Variants in ATXN1 observed in about 807,000 individuals in gnomAD.
The protein encoded by ATXN1 is ataxin-1.
In ATXN1, 8 loss-of-function variants were observed where a neutral mutation model predicts 56.4. That is an observed-to-expected ratio of 0.14 (90% CI 0.08 to 0.26). The LOEUF (loss-of-function observed/expected upper bound fraction) is 0.26, where lower values mean the gene tolerates loss of function less well. Ranked by LOEUF, ATXN1 falls within the 10% of genes least tolerant of loss-of-function variation. The pLI, the probability that ATXN1 is intolerant of heterozygous loss-of-function variation, is 1.00. For synonymous variants in ATXN1, 514 were observed against 494.6 expected, an observed-to-expected ratio of 1.04 and a Z score of -0.52; for missense variants, 987 against 1,106.5, an observed-to-expected ratio of 0.89 and a Z score of 1.53.
intron 2 of ATXN1, chr6:16,752,885 A>G: frequency 5.0e-6 from 1 of 198,074 alleles, no homozygotes; most frequent in Non-Finnish European, 1.1e-5. Flanking sequence ...CTAAAATGCA[A>G]AAACTGTGAC....
At chr6:16,342,661 C>T (rs184338637) in intron 6 of ATXN1, among the ~76,000 whole-genome samples, 95 of 152,306 alleles carry the variant, frequency 6.2e-4, no homozygotes, top group African/African-American at 1.9e-3. Flanking sequence ...GTGGTATATC[C>T]TTATGACGAG....
At chr6:16,409,388 C>A (rs1228823137) in intron 6 of ATXN1, among the ~76,000 whole-genome samples, 1 of 152,096 alleles carries the variant, frequency 6.6e-6, no homozygotes, top group Non-Finnish European at 1.5e-5. Context: ...CACCGTGGCT[C>A]ATGCCTCTAA....
rs543261959 is a variant in ATXN1 at position 16,536,454 on chromosome 6, T to C, written c.-360-13766A>G. 3.9e-5 allele frequency among the ~76,000 whole-genome samples: 6 copies of C among 152,298 alleles called. No homozygotes were observed. The South Asian group carries it at 1.0e-3, about 26-fold the overall frequency. ...AAGTTTATGGGTGTTCACTGTACAA[T>C]TCTTACAATTTACTTGTATGTTTGC... is the stretch of plus-strand genomic sequence containing the variant. On this transcript the variant is annotated intron_variant, in intron 4 of 7. Transcript: ENST00000436367.
At chr6:16,342,537 A>G (rs1036863975) in intron 6 of ATXN1, among the ~76,000 whole-genome samples, 1 of 152,164 alleles carries the variant, frequency 6.6e-6, no homozygotes, top group African/African-American at 2.4e-5. Flanking sequence ...ACCACAAAGC[A>G]CTGAAAGCAG....
At chr6:16,627,253 G>C (rs573950818) in intron 3 of ATXN1, among the ~76,000 whole-genome samples, 102 of 152,202 alleles carry the variant, frequency 6.7e-4, no homozygotes, top group Non-Finnish European at 3.5e-4. Context: ...CTGAGTTTCA[G>C]GTGACCTAGA....
chr6:16,697,797 T>C (rs9350014), intron 2 of ATXN1, among the ~76,000 whole-genome samples: 1,655 of 152,306 alleles, frequency 0.011, 13 homozygotes, highest in East Asian at 0.021. Context: ...CAGCGTTACA[T>C]AAGTCTCTTC....
intron 5 of ATXN1, among the ~76,000 whole-genome samples, chr6:16,512,109 CCG>C (rs1323270387): frequency 6.6e-6 from 1 of 152,192 alleles, no homozygotes; most frequent in African/African-American, 2.4e-5. Context: ...AAAGGCCTCC[CCG>C]CCTCCATTCA....
At chr6:16,409,256 T>C (rs1246550647) in intron 6 of ATXN1, among the ~76,000 whole-genome samples, 1 of 151,616 alleles carries the variant, frequency 6.6e-6, no homozygotes. Flanking sequence ...GCTGCTCTGT[T>C]CCACACAATT....
At chr6:16,547,801 A>G (rs1375574787) in intron 4 of ATXN1, among the ~76,000 whole-genome samples, 1 of 152,168 alleles carries the variant, frequency 6.6e-6, no homozygotes, top group Non-Finnish European at 1.5e-5. Flanking sequence ...GAGATGAGTC[A>G]TATCAGATTA....
In ATXN1 at chr6:16,450,001, C is replaced by T. The variant is rs183054111; in HGVS notation, c.-161+35971G>A. 3.0e-3 allele frequency among the ~76,000 whole-genome samples: 456 copies of T among 152,340 alleles called. 2 individuals carry two copies. The highest frequency in any genetic ancestry group is 9.8e-3 in the African/African-American group (408 of 41,568). On this transcript the variant is annotated intron_variant, in intron 6 of 7. Coordinates refer to ENST00000436367, the MANE Select transcript of ATXN1 (RefSeq NM_001128164.2). ...CTTGATTTTATAAGTCAGCATTACA[C>T]GCTGAAATCTAACATACATTATGCT...
At chr6:16,455,594 GTC>G (rs1759850399) in intron 6 of ATXN1, among the ~76,000 whole-genome samples, 1 of 152,118 alleles carries the variant, frequency 6.6e-6, no homozygotes, top group Admixed American at 6.5e-5. Flanking sequence ...AAAAACTTAA[GTC>G]CACACAAAAA....
chr6:16,320,893 A>T (rs1213147115), intron 7 of ATXN1, among the ~76,000 whole-genome samples: 1 of 152,226 alleles, frequency 6.6e-6, no homozygotes, highest in Non-Finnish European at 1.5e-5. Context: ...GATTACAGGC[A>T]GGGTAAAAAT....
At chr6:16,441,967 T>G (rs546958863) in intron 6 of ATXN1, among the ~76,000 whole-genome samples, 1 of 152,224 alleles carries the variant, frequency 6.6e-6, no homozygotes, top group South Asian at 2.1e-4. Flanking sequence ...AAATCGTGAC[T>G]GAAGCACAAA....
intron 7 of ATXN1, among the ~76,000 whole-genome samples, chr6:16,316,145 G>A (rs963784723): frequency 1.3e-5 from 2 of 152,146 alleles, no homozygotes; most frequent in Non-Finnish European, 1.5e-5. Flanking sequence ...TCATAGGAGC[G>A]TGAACCCTAT....
At chr6:16,695,872 G>A (rs1490627672) in intron 2 of ATXN1, among the ~76,000 whole-genome samples, 1 of 152,150 alleles carries the variant, frequency 6.6e-6, no homozygotes, top group Non-Finnish European at 1.5e-5. Flanking sequence ...GCTGAGGCGG[G>A]AGGATCACTG....
intron 6 of ATXN1, among the ~76,000 whole-genome samples, chr6:16,395,944 G>T (rs1438529041): frequency 1.4e-5 from 2 of 147,274 alleles, no homozygotes; most frequent in African/African-American, 5.0e-5. Context: ...GAACCAGGGA[G>T]TCGGAGGTTG....
chr6:16,673,872 G>A (rs2113386325), intron 2 of ATXN1, among the ~76,000 whole-genome samples: 1 of 152,170 alleles, frequency 6.6e-6, no homozygotes, highest in South Asian at 2.1e-4. Context: ...TGCCAGTATT[G>A]CTACCTTGTT....
intron 5 of ATXN1, among the ~76,000 whole-genome samples, chr6:16,509,929 C>T (rs372416546): frequency 1.1e-4 from 16 of 152,254 alleles, no homozygotes; most frequent in Non-Finnish European, 1.8e-4. Context: ...CCAGAATCTG[C>T]GTCTCTGGTC....
At chr6:16,590,988 A>G (rs1323804114) in intron 3 of ATXN1, among the ~76,000 whole-genome samples, 1 of 152,014 alleles carries the variant, frequency 6.6e-6, no homozygotes, top group Non-Finnish European at 1.5e-5. Context: ...GATTACAGGC[A>G]TGCACCACCA....
Sources: allele counts gnomAD v4.1 joint callset (sites outside exome capture counted in the v4.1 genomes callset), GRCh38; gene constraint gnomAD v4.1.1; transcripts MANE v1.5; gene names NCBI Gene and HGNC (gene_info 2026-07-23, HGNC 2026-07-21).